The following PSEN1 variants were observed in gnomAD, a reference collection of about 807,000 sequenced individuals.
The protein encoded by PSEN1 is presenilin 1.
Under a neutral mutation model 53.5 loss-of-function variants are expected in PSEN1, and 15 were observed. The ratio of observed to expected loss-of-function variants is 0.28; its 90% CI spans 0.19 to 0.43. The LOEUF (loss-of-function observed/expected upper bound fraction) is 0.43, where lower values mean the gene tolerates loss of function less well. Ranked by LOEUF, PSEN1 falls within the 20% of genes least tolerant of loss-of-function variation. PSEN1 has a pLI of 1.00. For missense variants in PSEN1, 387 were observed against 571.2 expected (o/e 0.68, Z 3.29); for synonymous variants, 208 against 209.8 (o/e 0.99, Z 0.08).
rs63750762 is a variant in PSEN1 at position 73,211,865 on chromosome 14, A to ATCG, written c.1053_1055dup (p.Arg352dup). The ATCG allele has an allele frequency of 3.1e-6, 5 of 1,613,624 alleles. No individual in the cohort carries two copies. Among genetic ancestry groups the ATCG allele is most frequent in the Non-Finnish European group, 4.2e-6 (5 of 1,179,920 alleles). The stretch of plus-strand genomic sequence containing the variant: ...CAGAGGGACAGTCATCTAGGGCCTC[A>ATCG]TCGCTCTACACCTGAGTCACGAGCT... On this transcript the variant is annotated inframe_insertion, in exon 10 of 12. Transcript: ENST00000324501.
intron 8 of PSEN1, among the ~76,000 whole-genome samples, chr14:73,202,302 A>T (rs1022022328): frequency 5.3e-5 from 8 of 149,930 alleles, no homozygotes; most frequent in Admixed American, 4.7e-4. Context: ...AAGTGTGAGT[A>T]CAGAGATGGG....
chr14:73,147,702 G>A (rs1412343527), intron 1 of PSEN1, 93 bp from the exon 2 acceptor site: 2 of 360,942 alleles, frequency 5.5e-6, no homozygotes, highest in Admixed American at 4.1e-5. Flanking sequence ...TACATTCCTG[G>A]TTTACAAATT....
At chr14:73,166,687 C>T (rs1049173797) in intron 3 of PSEN1, among the ~76,000 whole-genome samples, 17 of 152,216 alleles carry the variant, frequency 1.1e-4, no homozygotes, top group East Asian at 9.6e-4. Context: ...GTTCTGGTCC[C>T]GTTGGCCTCA....
intron 5 of PSEN1, among the ~76,000 whole-genome samples, chr14:73,182,599 T>C (rs536093631): frequency 4.5e-4 from 68 of 152,238 alleles, no homozygotes; most frequent in African/African-American, 1.6e-3. Flanking sequence ...ATCCCAGCAC[T>C]GTGGGAGGCT....
chr14:73,176,911 C>G (rs362362), intron 5 of PSEN1, among the ~76,000 whole-genome samples: 1,766 of 152,278 alleles, frequency 0.012, 31 homozygotes, highest in African/African-American at 0.038. Context: ...GTCCTCAGCT[C>G]CCTGAAGTGT....
intron 3 of PSEN1, among the ~76,000 whole-genome samples, chr14:73,155,940 G>A (rs981280058): frequency 2.0e-5 from 3 of 152,208 alleles, no homozygotes; most frequent in East Asian, 1.9e-4. Flanking sequence ...CTGTTGTAAC[G>A]GTTTACCACA....
At chr14:73,212,430 G>C (rs1408199726) in intron 10 of PSEN1, among the ~76,000 whole-genome samples, 2 of 151,846 alleles carry the variant, frequency 1.3e-5, no homozygotes, top group African/African-American at 2.4e-5. Context: ...TTTTTAAGTT[G>C]GCATTTTACA....
At chr14:73,209,178 T>C (rs1594752571) in intron 9 of PSEN1, among the ~76,000 whole-genome samples, 1 of 152,098 alleles carries the variant, frequency 6.6e-6, no homozygotes, top group South Asian at 2.1e-4. Flanking sequence ...GCTGTGGGAG[T>C]GCGGGACTTC....
chr14:73,211,656 G>C, intron 9 of PSEN1, 113 bp from the exon 10 acceptor site: 1 of 1,125,496 alleles, frequency 8.9e-7, no homozygotes, highest in South Asian at 1.3e-5. Context: ...CATGCTTTGT[G>C]GTTTAAGGGC....
intron 3 of PSEN1, among the ~76,000 whole-genome samples, chr14:73,152,258 A>C (rs1897252831): frequency 6.6e-6 from 1 of 151,898 alleles, no homozygotes; most frequent in South Asian, 2.1e-4. Flanking sequence ...GGGATCAAGC[A>C]TTCGAGGTTT....
intron 5 of PSEN1, among the ~76,000 whole-genome samples, chr14:73,183,081 GA>G (rs1898272374): frequency 6.6e-6 from 1 of 152,086 alleles, no homozygotes; most frequent in African/African-American, 2.4e-5. Context: ...GGCTAAAGTT[GA>G]AGTATTTGGA....
At chr14:73,174,626 AT>A (rs1268383546) in intron 5 of PSEN1, among the ~76,000 whole-genome samples, 1 of 152,230 alleles carries the variant, frequency 6.6e-6, no homozygotes, top group African/African-American at 2.4e-5. Flanking sequence ...ACACTGTAGG[AT>A]ATAATGGTCC....
At chr14:73,211,255 T>C (rs177415) in intron 9 of PSEN1, among the ~76,000 whole-genome samples, 3 of 152,034 alleles carry the variant, frequency 2.0e-5, no homozygotes, top group Non-Finnish European at 4.4e-5. Flanking sequence ...CATCACTAGT[T>C]TATAGGCTTG....
chr14:73,185,321 G>A lies in PSEN1; in HGVS notation c.481-1532G>A, dbSNP rs530065336. 4.6e-5 allele frequency among the ~76,000 whole-genome samples: 7 copies of A among 152,324 alleles called. No individual in the cohort carries two copies. The East Asian group carries it at 1.2e-3, about 25-fold the overall frequency. On this transcript the variant is annotated intron_variant, in intron 5 of 11. Coordinates refer to ENST00000324501, the MANE Select transcript of PSEN1 (RefSeq NM_000021.4). Reference sequence around the variant, plus strand: ...TGCACTCCAGCCTGGGCACCATTGAGCACTGAGTGAACGAGACTCCGTCTG... The same window carrying A: ...TGCACTCCAGCCTGGGCACCATTGAACACTGAGTGAACGAGACTCCGTCTG...
intron 9 of PSEN1, among the ~76,000 whole-genome samples, chr14:73,211,266 G>A (rs1401216113): frequency 6.6e-6 from 1 of 152,222 alleles, no homozygotes; most frequent in East Asian, 1.9e-4. Context: ...TATAGGCTTG[G>A]TCTTCAGCCC....
chr14:73,170,739 G>A (rs565681598), intron 3 of PSEN1, 58 bp from the exon 4 acceptor site: 20 of 1,594,406 alleles, frequency 1.3e-5, no homozygotes, highest in Middle Eastern at 1.7e-4. Flanking sequence ...AGGTCTAACC[G>A]TTACCTTGAT....
At chr14:73,212,253 G>A (rs1443298793) in intron 10 of PSEN1, among the ~76,000 whole-genome samples, 1 of 151,636 alleles carries the variant, frequency 6.6e-6, no homozygotes, top group African/African-American at 2.4e-5. Context: ...TGGGACTACA[G>A]GCGTGCGCCA....
At position 73,211,777 on chromosome 14, in the gene PSEN1, A is replaced by G; in HGVS notation, c.964A>G (p.Arg322Gly). Residue 322 changes from arginine (R) to glycine (G), a missense_variant, in exon 10 of 12, where the codon AGG becomes GGG. Physicochemically the swap from Arg to Gly is moderately radical, Grantham distance 125. Coordinates refer to ENST00000324501, the MANE Select transcript of PSEN1 (RefSeq NM_000021.4). ...NSKYNAESTE[R>G]ESQDTVAEND... ...TCCACTTTCTCTTGAAGGCACAGAA[A>G]GGGAGTCACAAGACACTGTTGCAGA... The G allele has an allele frequency of 6.2e-7, 1 of 1,614,092 alleles. No homozygotes were observed. Among genetic ancestry groups the G allele is most frequent in the Non-Finnish European group, 8.5e-7 (1 of 1,179,970 alleles).
chr14:73,182,052 G>A (rs1898232713), intron 5 of PSEN1, among the ~76,000 whole-genome samples: 1 of 152,170 alleles, frequency 6.6e-6, no homozygotes, highest in African/African-American at 2.4e-5. Flanking sequence ...GGGATAACAG[G>A]CGTGAGCCAC....
Sources: allele counts gnomAD v4.1 joint callset (sites outside exome capture counted in the v4.1 genomes callset), GRCh38; gene constraint gnomAD v4.1.1; transcripts MANE v1.5; gene names NCBI Gene and HGNC (gene_info 2026-07-23, HGNC 2026-07-21).